Variants in UGT1A4 observed in about 807,000 individuals in gnomAD.
The protein encoded by UGT1A4 is UDP-glucuronosyltransferase 1A4.
UGT1A4 carries 32 observed loss-of-function variants against 41.1 expected under a neutral mutation model. That is an observed-to-expected ratio of 0.78 (90% CI 0.59 to 1.05). The LOEUF (loss-of-function observed/expected upper bound fraction) is 1.05, where lower values mean the gene tolerates loss of function less well. UGT1A4 is among the 50% of genes least tolerant of loss of function. The pLI, the probability that UGT1A4 is intolerant of heterozygous loss-of-function variation, is 0.00. For synonymous variants in UGT1A4, 283 were observed against 265.1 expected (o/e 1.07, Z -0.66); for missense variants, 748 against 677.4 (o/e 1.10, Z -1.16).
intron 1 of UGT1A4, among the ~76,000 whole-genome samples, 193 bp downstream of exon 1, chr2:233,719,880 G>A (rs28898611): frequency 2.0e-5 from 3 of 152,144 alleles, no homozygotes; most frequent in Non-Finnish European, 4.4e-5. Flanking sequence ...GAAGAGGCAC[G>A]GATGAGGGTC....
intron 1 of UGT1A4, chr2:233,754,454 C>T: frequency 5.6e-6 from 2 of 355,014 alleles, no homozygotes; most frequent in Admixed American, 3.8e-5. Context: ...TTCTTGGGTA[C>T]AGCTGTTCTG....
rs1040596623 is a variant in UGT1A4, at chr2:233,743,965, G to C, written c.868-23069G>C. ...CAGGCACTGGCACAGCGAGCGGCAA[G>C]GCTGCCAGCACCCAGGCGCAGGCCC... On this transcript the variant is annotated intron_variant, in intron 1 of 4. Transcript: ENST00000373409. 3 of 1,330,116 alleles carry C rather than the reference G, an allele frequency of 2.3e-6. No homozygotes were observed. The African/African-American group carries it at 4.5e-5, about 20-fold the overall frequency. 82.4% of individuals were successfully genotyped at this position (1,330,116 alleles called of 1,614,324 possible). A position where few individuals can be genotyped will look rare whatever the true frequency, so the allele number is the denominator to read the frequency against.
chr2:233,750,185 T>G (rs1694383410), intron 1 of UGT1A4, among the ~76,000 whole-genome samples: 1 of 151,838 alleles, frequency 6.6e-6, no homozygotes, highest in African/African-American at 2.4e-5. Flanking sequence ...GATAATGTTG[T>G]GGACAATGAA....
At chr2:233,748,872 G>A (rs1337715059) in intron 1 of UGT1A4, among the ~76,000 whole-genome samples, 3 of 151,552 alleles carry the variant, frequency 2.0e-5, no homozygotes, top group Non-Finnish European at 4.4e-5. Context: ...GCTGGGGACG[G>A]TGATGAATGG....
chr2:233,758,617 T>TGC (rs1696928480), intron 1 of UGT1A4, among the ~76,000 whole-genome samples: 1 of 152,162 alleles, frequency 6.6e-6, no homozygotes, highest in Non-Finnish European at 1.5e-5. Flanking sequence ...TGCATGTGCA[T>TGC]GCAAAGTACC....
intron 1 of UGT1A4, among the ~76,000 whole-genome samples, chr2:233,738,417 G>A (rs1690784004): frequency 6.6e-6 from 1 of 152,216 alleles, no homozygotes; most frequent in Non-Finnish European, 1.5e-5. Context: ...ACAGGCAGAG[G>A]CTGGAACAGT....
chr2:233,766,494 G>T (rs1250106940), intron 1 of UGT1A4, among the ~76,000 whole-genome samples: 2 of 152,182 alleles, frequency 1.3e-5, no homozygotes, highest in Non-Finnish European at 2.9e-5. Flanking sequence ...GGCGTGGCAG[G>T]CCAGGGTGGT....
rs45449797 is a variant in UGT1A4, at chr2:233,730,263, G to A, written c.867+10576G>A. ...ACTGGTGTGACTCATAGAGACTGTT[G>A]GTTTGTAAAGGCACCATCTTCATGG... is the stretch of plus-strand genomic sequence containing the variant. On this transcript the variant is annotated intron_variant, in intron 1 of 4. Coordinates refer to ENST00000373409, the MANE Select transcript of UGT1A4 (RefSeq NM_007120.3). 4.3e-4 allele frequency among the ~76,000 whole-genome samples: 66 copies of A among 152,188 alleles called. 2 individuals are homozygous for A. In the East Asian group the frequency reaches 0.011, roughly 26 times the overall value.
rs1293478341 is a variant in UGT1A4, at chr2:233,720,768, G to A, written c.867+1081G>A. On this transcript the variant is annotated intron_variant, in intron 1 of 4. Coordinates refer to ENST00000373409, the MANE Select transcript of UGT1A4 (RefSeq NM_007120.3). ...TCGCCCAGGCTGGAGGGCAGTGGCCGGATCTCCGCTCACTGCAACCTTCAC... is the reference window on the plus strand; with the variant it reads ...TCGCCCAGGCTGGAGGGCAGTGGCCAGATCTCCGCTCACTGCAACCTTCAC... Among the ~76,000 whole-genome samples, 6 of 150,528 alleles carry A rather than the reference G, an allele frequency of 4.0e-5. No individual in the cohort carries two copies. The South Asian group carries it at 8.4e-4, about 21-fold the overall frequency.
intron 1 of UGT1A4, chr2:233,743,560 C>A: frequency 7.3e-7 from 1 of 1,367,302 alleles, no homozygotes; most frequent in South Asian, 1.1e-5. Flanking sequence ...AAATATTCTC[C>A]AGCGGGTTTC....
At chr2:233,729,301 G>A (rs2077833775) in intron 1 of UGT1A4, 3 of 1,614,148 alleles carry the variant, frequency 1.9e-6, no homozygotes, top group East Asian at 2.2e-5. Flanking sequence ...CCACCAGGCA[G>A]TGGTCCTCAC....
At chr2:233,764,507 T>C (rs1318099994) in intron 1 of UGT1A4, among the ~76,000 whole-genome samples, 1 of 152,320 alleles carries the variant, frequency 6.6e-6, no homozygotes, top group Non-Finnish European at 1.5e-5. Flanking sequence ...GGGTTCAATT[T>C]TGTGTGAATC....
chr2:233,770,554 A>G (rs1700106811), intron 4 of UGT1A4: 1 of 152,026 alleles, frequency 6.6e-6, no homozygotes, highest in Non-Finnish European at 1.5e-5. Flanking sequence ...GCTATTTGGG[A>G]GGCTGAGGCA....
At chr2:233,743,234 A>C (rs17863796) in intron 1 of UGT1A4, 5,154 of 418,520 alleles carry the variant, frequency 0.012, 81 homozygotes, top group South Asian at 0.038. Flanking sequence ...ATTTATTATG[A>C]AGGACTTTAA....
chr2:233,763,341 T>C (rs1156611161), intron 1 of UGT1A4, among the ~76,000 whole-genome samples: 2 of 152,260 alleles, frequency 1.3e-5, no homozygotes, highest in African/African-American at 4.8e-5. Context: ...TACATTTCCC[T>C]AGCACATCTT....
At chr2:233,724,617 C>T (rs553228713) in intron 1 of UGT1A4, among the ~76,000 whole-genome samples, 3,256 of 135,154 alleles carry the variant, frequency 0.024, 113 homozygotes, top group African/African-American at 0.056. Context: ...CGGGCAGAGA[C>T]GCTCCTCACT....
At position 233,772,473 on chromosome 2, in the gene UGT1A4, A is replaced by G. The variant is rs1575871447; in HGVS notation, c.1519A>G (p.Thr507Ala). ...CGTCGTGCTGACAGTGGCCTTCATC[A>G]CCTTTAAATGTTGTGCTTATGGCTA... ...LAVVLTVAFITFKCCAYGYRK... is the reference protein window; with the variant it reads ...LAVVLTVAFIAFKCCAYGYRK... The change falls in exon 5 of 5, where the codon ACC (threonine) becomes GCC (alanine). Residue 507 changes from threonine to alanine, a missense_variant. Coordinates refer to ENST00000373409, the MANE Select transcript of UGT1A4 (RefSeq NM_007120.3). 1.2e-6 allele frequency: 2 copies of G among 1,614,044 alleles called. No homozygotes were observed. The highest frequency in any genetic ancestry group is 1.7e-6 in the Non-Finnish European group (2 of 1,180,014).
chr2:233,736,730 T>C (rs1173879168), intron 1 of UGT1A4, among the ~76,000 whole-genome samples: 2 of 152,186 alleles, frequency 1.3e-5, no homozygotes, highest in African/African-American at 2.4e-5. Flanking sequence ...TTGATGTTTA[T>C]GCTGTTCCTT....
In UGT1A4 at chr2:233,772,749, G is replaced by T. The variant is rs901299936; in HGVS notation, c.*190G>T. The T allele has an allele frequency of 1.4e-6, 2 of 1,420,114 alleles. No individual in the cohort carries two copies. The highest frequency in any genetic ancestry group is 1.8e-6 in the Non-Finnish European group (2 of 1,083,638). The allele number at this position is 1,420,114 out of a possible 1,614,324, so 88.0% of individuals were successfully genotyped here. A position where few individuals can be genotyped will look rare whatever the true frequency, so the allele number is the denominator to read the frequency against. On this transcript the variant is annotated 3_prime_UTR_variant, in exon 5 of 5. Coordinates refer to ENST00000373409, the MANE Select transcript of UGT1A4 (RefSeq NM_007120.3). ...GACTCGCTAGTCAGTAAAGATATTTGAATATGTATCGTGCCCCCTCTGGTG... is the reference window on the plus strand; with the variant it reads ...GACTCGCTAGTCAGTAAAGATATTTTAATATGTATCGTGCCCCCTCTGGTG...
Sources: allele counts gnomAD v4.1 joint callset (sites outside exome capture counted in the v4.1 genomes callset), GRCh38; gene constraint gnomAD v4.1.1; transcripts MANE v1.5; gene names NCBI Gene and HGNC (gene_info 2026-07-23, HGNC 2026-07-21).